Variants in ASIC2 observed in about 807,000 individuals in gnomAD.
ASIC2 encodes acid sensing ion channel subunit 2, also known as acid-sensing ion channel 2.
In ASIC2, 25 loss-of-function variants were observed where a neutral mutation model predicts 57.3. That is an observed-to-expected ratio of 0.44 (90% CI 0.32 to 0.61). The LOEUF is 0.61. Among genes scored for constraint, ASIC2 ranks in the 20% least tolerant of loss-of-function variants. ASIC2 has a pLI of 0.06. For synonymous variants in ASIC2, 319 were observed against 307.5 expected (o/e 1.04, Z -0.39); for missense variants, 641 against 738.1 (o/e 0.87, Z 1.52).
At chr17:33,477,309 AT>A (rs1165562287) in intron 1 of ASIC2, among the ~76,000 whole-genome samples, 2 of 152,148 alleles carry the variant, frequency 1.3e-5, no homozygotes, top group African/African-American at 4.8e-5. Context: ...ATTTTTTAAA[AT>A]TTCTAGACTT....
At chr17:33,597,077 A>AGAGGCTGG (rs901470748) in intron 1 of ASIC2, among the ~76,000 whole-genome samples, 1 of 152,166 alleles carries the variant, frequency 6.6e-6, no homozygotes, top group African/African-American at 2.4e-5. Context: ...AGGCTTCATG[A>AGAGGCTGG]CAGGCTGGCA....
intron 1 of ASIC2, among the ~76,000 whole-genome samples, chr17:34,028,469 G>A (rs1907460310): frequency 6.6e-6 from 1 of 152,216 alleles, no homozygotes; most frequent in Admixed American, 6.5e-5. Flanking sequence ...AAATGAGTGT[G>A]TAGTCTGGTT....
intron 1 of ASIC2, among the ~76,000 whole-genome samples, chr17:33,768,604 C>G (rs182990809): frequency 6.6e-6 from 1 of 152,182 alleles, no homozygotes; most frequent in Admixed American, 6.5e-5. Flanking sequence ...CAGACAGGGG[C>G]AGGTCCCCAG....
At chr17:33,192,099 T>C (rs1906443766) in intron 1 of ASIC2, among the ~76,000 whole-genome samples, 1 of 152,164 alleles carries the variant, frequency 6.6e-6, no homozygotes, top group South Asian at 2.1e-4. Flanking sequence ...GCAGAAGCTA[T>C]ACATGGATTC....
intron 1 of ASIC2, among the ~76,000 whole-genome samples, chr17:33,625,024 C>G (rs916950872): frequency 6.6e-6 from 1 of 152,178 alleles, no homozygotes; most frequent in African/African-American, 2.4e-5. Flanking sequence ...TTGTGTGGAT[C>G]CCTTCTTCCT....
chr17:33,799,426 TC>T (rs1418768526), intron 1 of ASIC2, among the ~76,000 whole-genome samples: 44 of 63,584 alleles, frequency 6.9e-4, no homozygotes, highest in African/African-American at 2.5e-3. Flanking sequence ...TTTCTTTCTT[TC>T]TTCTTTCTTT....
chr17:33,970,879 C>G (rs1332503306), intron 1 of ASIC2, among the ~76,000 whole-genome samples: 1 of 152,132 alleles, frequency 6.6e-6, no homozygotes, highest in Non-Finnish European at 1.5e-5. Flanking sequence ...GGGAGATGCT[C>G]AGAACAAACC....
intron 1 of ASIC2, chr17:33,635,150 A>T (rs1567675553): frequency 1.3e-5 from 2 of 151,060 alleles, no homozygotes; most frequent in Admixed American, 1.3e-4. Context: ...AAACGAGTAC[A>T]TGGTGAGGCC....
At chr17:34,038,593 A>C in intron 1 of ASIC2, 1 of 1,604,060 alleles carries the variant, frequency 6.2e-7, no homozygotes, top group Non-Finnish European at 8.5e-7. Context: ...TAAATTGTGA[A>C]TTATCTTCAT....
chr17:33,788,930 T>G (rs1353370040), intron 1 of ASIC2, among the ~76,000 whole-genome samples: 1 of 152,078 alleles, frequency 6.6e-6, no homozygotes, highest in Non-Finnish European at 1.5e-5. Context: ...GGAGAGAACT[T>G]AGATGATGGA....
In ASIC2 at chr17:33,846,541, A is replaced by G. The variant is rs201191563; in HGVS notation, c.555+309437T>C. On this transcript the variant is annotated intron_variant, in intron 1 of 9. Coordinates refer to the ASIC2 transcript ENST00000359872. Reference sequence around the variant, plus strand: ...TCTAAATTAAGCAGGTAAATTAAAGATGTGTATGATGCCACCCCACCAAAA... The same window carrying G: ...TCTAAATTAAGCAGGTAAATTAAAGGTGTGTATGATGCCACCCCACCAAAA... Among the ~76,000 whole-genome samples, 6 of 152,136 alleles carry G rather than the reference A, an allele frequency of 3.9e-5. No homozygotes were observed. The East Asian group carries it at 1.2e-3, about 29-fold the overall frequency.
At chr17:33,620,963 C>T (rs770977323) in intron 1 of ASIC2, among the ~76,000 whole-genome samples, 1 of 152,044 alleles carries the variant, frequency 6.6e-6, no homozygotes, top group Non-Finnish European at 1.5e-5. Context: ...TCTTTTCTTG[C>T]ACCGCATACT....
chr17:33,977,964 T>C (rs1905455764), intron 1 of ASIC2, among the ~76,000 whole-genome samples: 1 of 152,196 alleles, frequency 6.6e-6, no homozygotes, highest in Non-Finnish European at 1.5e-5. Context: ...CATGGCATCA[T>C]GGTGCAGTAT....
At chr17:33,570,578 A>G (rs1385223343) in intron 1 of ASIC2, among the ~76,000 whole-genome samples, 1 of 152,228 alleles carries the variant, frequency 6.6e-6, no homozygotes, top group Non-Finnish European at 1.5e-5. Flanking sequence ...CCAGAGAACC[A>G]TATCACTGCT....
intron 1 of ASIC2, among the ~76,000 whole-genome samples, chr17:33,491,937 T>G (rs1913773386): frequency 6.6e-6 from 1 of 152,238 alleles, no homozygotes; most frequent in Non-Finnish European, 1.5e-5. Context: ...TAATTTTGCC[T>G]TCCAGGAAAG....
At chr17:33,842,410 C>T (rs1913466467) in intron 1 of ASIC2, among the ~76,000 whole-genome samples, 1 of 152,144 alleles carries the variant, frequency 6.6e-6, no homozygotes. Flanking sequence ...TAAGGGTATG[C>T]TTAAGGTATT....
At chr17:33,232,489 G>T (rs927238298) in intron 1 of ASIC2, among the ~76,000 whole-genome samples, 2 of 150,506 alleles carry the variant, frequency 1.3e-5, no homozygotes, top group Non-Finnish European at 3.0e-5. Context: ...GGTATGGTAT[G>T]GTATGGTACG....
At chr17:33,167,527 T>C (rs1008272698) in intron 1 of ASIC2, among the ~76,000 whole-genome samples, 1 of 152,136 alleles carries the variant, frequency 6.6e-6, no homozygotes, top group Admixed American at 6.6e-5. Flanking sequence ...TTTTTGTGTC[T>C]CTTCTCTCCA....
intron 1 of ASIC2, among the ~76,000 whole-genome samples, chr17:34,097,399 T>C (rs1235737221): frequency 3.3e-5 from 5 of 152,092 alleles, no homozygotes; most frequent in Non-Finnish European, 7.4e-5. Context: ...ACTAGCACAT[T>C]CTCTACATGT....
Sources: allele counts gnomAD v4.1 joint callset (sites outside exome capture counted in the v4.1 genomes callset), GRCh38; gene constraint gnomAD v4.1.1; transcripts MANE v1.5; gene names NCBI Gene and HGNC (gene_info 2026-07-23, HGNC 2026-07-21).